Variants in RIPOR3 observed in about 807,000 individuals in gnomAD.
RIPOR3 encodes family with sequence similarity 65 member C.
A neutral mutation model predicts 114.3 loss-of-function variants in RIPOR3; 95 were observed. The ratio of observed to expected loss-of-function variants is 0.83; its 90% confidence interval spans 0.70 to 0.99. RIPOR3 has a LOEUF of 0.99. RIPOR3 is among the 50% of genes least tolerant of loss of function. RIPOR3 has a pLI of 0.00. For missense variants in RIPOR3, 1,252 were observed against 1,266.9 expected, an observed-to-expected ratio of 0.99 and a Z score of 0.18; for synonymous variants, 575 against 543.8, an observed-to-expected ratio of 1.06 and a Z score of -0.80.
chr20:50,669,048 AC>A (rs1437108246), intron 1 of RIPOR3, among the ~76,000 whole-genome samples: 1 of 152,098 alleles, frequency 6.6e-6, no homozygotes, highest in Non-Finnish European at 1.5e-5. Context: ...ACACGCATGC[AC>A]ATGCACACTC....
chr20:50,608,880 C>T (rs1347964516), intron 9 of RIPOR3, 32 bp downstream of exon 9: 4 of 1,599,844 alleles, frequency 2.5e-6, no homozygotes, highest in Middle Eastern at 1.6e-4. Flanking sequence ...TGGCGGGGAG[C>T]CCTGAGGATT....
In RIPOR3 at chr20:50,646,593, C is replaced by T. The variant is rs142916869; in HGVS notation, c.4-15737G>A. On this transcript the variant is annotated intron_variant, in intron 1 of 21. Transcript: ENST00000327979. ...TTGGAAGCAGACCCCCTCCTGGTCT[C>T]CCCAGGTATTGCAACCCTGCTCTAC... Among the ~76,000 whole-genome samples, 267 of 152,314 alleles carry T rather than the reference C, an allele frequency of 1.8e-3. 6 individuals are homozygous for T. The East Asian group carries it at 0.048, about 27-fold the overall frequency.
At chr20:50,638,390 A>G (rs1211504952) in intron 1 of RIPOR3, among the ~76,000 whole-genome samples, 2 of 152,172 alleles carry the variant, frequency 1.3e-5, no homozygotes, top group East Asian at 1.9e-4. Flanking sequence ...CCCTCTGTCT[A>G]TCAGTCTGCA....
chr20:50,614,375 T>A (rs1346143183), intron 4 of RIPOR3, among the ~76,000 whole-genome samples: 3 of 152,180 alleles, frequency 2.0e-5, no homozygotes, highest in Non-Finnish European at 4.4e-5. Flanking sequence ...TCTCCCCTCC[T>A]CGCTTTCCCA....
intron 1 of RIPOR3, among the ~76,000 whole-genome samples, chr20:50,633,863 T>C (rs1240474732): frequency 6.6e-6 from 1 of 152,144 alleles, no homozygotes; most frequent in Non-Finnish European, 1.5e-5. Context: ...CTCATAGCAC[T>C]GTGAGGTTCA....
chr20:50,680,258 G>C (rs1445485725), intron 1 of RIPOR3, among the ~76,000 whole-genome samples: 3 of 152,198 alleles, frequency 2.0e-5, no homozygotes, highest in African/African-American at 7.2e-5. Flanking sequence ...GGCCAGCGGG[G>C]CCCACTGATT....
Position 50,608,695 on chromosome 20 carries a change from C to T in RIPOR3, c.728G>A (p.Arg243Gln), listed in dbSNP as rs569827293. The change falls in exon 10 of 22, where the codon CGG becomes CAG. Residue 243 changes from arginine (R) to glutamine (Q), a missense_variant. Transcript: ENST00000327979. ...GGTCTGGCTGTCATCTGACTCGATC[C>T]GACCCTTGAGCTTCCAACGCTGGCG... is the stretch of plus-strand genomic sequence containing the variant. ...LGRQRWKLKG[R>Q]IESDDSQTWD... The T allele has an allele frequency of 3.6e-5, 58 of 1,614,056 alleles. No homozygotes were observed. The South Asian group carries it at 4.1e-4, about 11-fold the overall frequency.
At chr20:50,622,382 A>G (rs914880404) in intron 2 of RIPOR3, among the ~76,000 whole-genome samples, 12 of 151,982 alleles carry the variant, frequency 7.9e-5, no homozygotes, top group African/African-American at 2.4e-4. Flanking sequence ...GGGTTTCACC[A>G]TGTTGTCCAG....
At chr20:50,644,967 G>A (rs1326901760) in intron 1 of RIPOR3, among the ~76,000 whole-genome samples, 2 of 151,598 alleles carry the variant, frequency 1.3e-5, no homozygotes, top group Non-Finnish European at 2.9e-5. Flanking sequence ...AGCCTCCCGA[G>A]TAGCTGAGAT....
chr20:50,597,278 T>C (rs975503384), intron 14 of RIPOR3: 5 of 312,390 alleles, frequency 1.6e-5, no homozygotes, highest in African/African-American at 1.1e-4. Flanking sequence ...AAAGAACTTC[T>C]ACTATATACT....
At chr20:50,630,233 G>A (rs1185959078) in intron 2 of RIPOR3, among the ~76,000 whole-genome samples, 2 of 152,142 alleles carry the variant, frequency 1.3e-5, no homozygotes, top group Admixed American at 6.5e-5. Context: ...CTCCCAAAGT[G>A]CTAGGATTAC....
chr20:50,673,900 CA>C (rs966583698), intron 1 of RIPOR3, among the ~76,000 whole-genome samples: 13 of 152,250 alleles, frequency 8.5e-5, no homozygotes, highest in African/African-American at 3.1e-4. Context: ...CTTCATGAAC[CA>C]TTTTTCCATT....
chr20:50,662,533 G>C (rs1220656749), intron 1 of RIPOR3, among the ~76,000 whole-genome samples: 12 of 152,216 alleles, frequency 7.9e-5, no homozygotes, highest in Non-Finnish European at 1.5e-5. Flanking sequence ...TTGTTGCAGA[G>C]AGTGAGACAC....
rs1211264460 is a variant in RIPOR3 at position 50,609,077 on chromosome 20, G to C, written c.641-122C>G. 1.4e-5 allele frequency: 19 copies of C among 1,383,214 alleles called. No homozygotes were observed. The East Asian group carries it at 4.8e-4, about 35-fold the overall frequency. 85.7% of individuals were successfully genotyped at this position (1,383,214 alleles called of 1,614,324 possible). ...AGTTTCAGTGGGGTGAGGATGGGGG[G>C]GAGGTACACCATCATGATGGAAAAT... On this transcript the variant is annotated intron_variant, in intron 8 of 21. Coordinates refer to ENST00000327979, the MANE Select transcript of RIPOR3 (RefSeq NM_001290268.2).
intron 1 of RIPOR3, among the ~76,000 whole-genome samples, chr20:50,670,301 G>C (rs574771097): frequency 1.3e-5 from 2 of 152,212 alleles, no homozygotes; most frequent in East Asian, 3.9e-4. Context: ...GCAATCTTGG[G>C]CATCGGACTT....
rs778427606 is a variant in RIPOR3 at position 50,611,208 on chromosome 20, T to C, written c.349-4A>G. The C allele has an allele frequency of 5.5e-5, 89 of 1,613,942 alleles. No individual in the cohort carries two copies. Among genetic ancestry groups the C allele is most frequent in the Non-Finnish European group, 7.0e-5 (83 of 1,180,022 alleles). ...TGTCCAGGTCATAATAGAAAGCCTG[T>C]GAGGGAGGAAAGGAGGGCGGAAGAA... On this transcript the variant is annotated splice_polypyrimidine_tract_variant and splice_region_variant and intron_variant, in intron 4 of 21. Coordinates refer to ENST00000327979, the MANE Select transcript of RIPOR3 (RefSeq NM_001290268.2).
At position 50,630,738 on chromosome 20, in the gene RIPOR3, G is replaced by A. The variant is rs146649752; in HGVS notation, c.122C>T (p.Ala41Val). 8.3e-5 allele frequency: 133 copies of A among 1,604,586 alleles called. 1 individual carries two copies. The highest frequency in any genetic ancestry group is 4.8e-4 in the African/African-American group (36 of 74,640). The change falls in exon 2 of 22, where the codon GCA becomes GTA. Residue 41 changes from alanine to valine, a missense_variant and splice_region_variant. By Grantham distance (64) the Ala-to-Val change is moderately conservative. Transcript: ENST00000327979. ...GFSSAQSRRI[A>V]KSINRNSVRS... ...GAAACAGGACACGGGGGGAACTTAC[G>A]CGATCCTCCGGCTCTGTGCACTGCT...
Position 50,589,706 on chromosome 20 carries a change from G to A in RIPOR3, c.2641C>T (p.Leu881=). Reference sequence around the variant, plus strand: ...CTCACCTTGAGGTGTTTGAGCGCTAGGCATGCGGCCTGCTGGAGCCTTGCG... The same window carrying A: ...CTCACCTTGAGGTGTTTGAGCGCTAAGCATGCGGCCTGCTGGAGCCTTGCG... The part of the protein sequence containing the change: ...NDARLQQAAC[L]ALKHLKGIES... Residue 881 remains leucine, a synonymous_variant, in exon 20 of 22, where the codon CTA becomes TTA. Coordinates refer to ENST00000327979, the MANE Select transcript of RIPOR3 (RefSeq NM_001290268.2). 1 of 1,613,904 alleles carries A rather than the reference G, an allele frequency of 6.2e-7. No homozygotes were observed. Among genetic ancestry groups the A allele is most frequent in the South Asian group, 1.1e-5 (1 of 91,018 alleles).
At chr20:50,616,115 G>A (rs2084163727) in intron 3 of RIPOR3, 35 bp from the exon 4 acceptor site, 1 of 1,593,452 alleles carries the variant, frequency 6.3e-7, no homozygotes, top group Non-Finnish European at 8.6e-7. Context: ...TCAAATGGAA[G>A]AGGAAGAAGA....
Sources: allele counts gnomAD v4.1 joint callset (sites outside exome capture counted in the v4.1 genomes callset), GRCh38; gene constraint gnomAD v4.1.1; transcripts MANE v1.5; gene names NCBI Gene and HGNC (gene_info 2026-07-23, HGNC 2026-07-21).